NAALADL2: variants seen among roughly 807,000 people sequenced by gnomAD.
The protein encoded by NAALADL2 is N-acetylated alpha-linked acidic dipeptidase like 2.
A neutral mutation model predicts 87.2 loss-of-function variants in NAALADL2; 76 were observed. The observed-to-expected ratio is 0.87, with a 90% CI of 0.72 to 1.05. NAALADL2 has a LOEUF of 1.05. Ranked by LOEUF, NAALADL2 falls within the 50% of genes least tolerant of loss-of-function variation. NAALADL2 has a pLI of 0.00. For synonymous variants in NAALADL2, 354 were observed against 331.0 expected (o/e 1.07, Z -0.75); for missense variants, 1,089 against 945.8 (o/e 1.15, Z -1.99).
chr3:174,822,131 G>A (rs1451848422), intron 3 of NAALADL2, among the ~76,000 whole-genome samples: 10 of 151,368 alleles, frequency 6.6e-5, no homozygotes, highest in African/African-American at 2.4e-4. Context: ...GTTAAACTAG[G>A]TACACAGAAA....
At chr3:174,528,951 C>G (rs950240671) in intron 1 of NAALADL2, among the ~76,000 whole-genome samples, 1 of 152,134 alleles carries the variant, frequency 6.6e-6, no homozygotes, top group African/African-American at 2.4e-5. Flanking sequence ...CATTCTGCCC[C>G]TGGCCCCTCA....
At chr3:175,790,553 A>G (rs1328929560) in intron 13 of NAALADL2, among the ~76,000 whole-genome samples, 4 of 152,174 alleles carry the variant, frequency 2.6e-5, no homozygotes. Flanking sequence ...GGGGATTGGA[A>G]TTCTAGATTT....
At chr3:175,228,234 A>C (rs1037599273) in intron 2 of NAALADL2, among the ~76,000 whole-genome samples, 4 of 151,948 alleles carry the variant, frequency 2.6e-5, no homozygotes, top group Admixed American at 2.6e-4. Flanking sequence ...ACCTCAATCA[A>C]TTTTGAACAA....
At chr3:174,851,512 C>A (rs1198058732) in intron 3 of NAALADL2, among the ~76,000 whole-genome samples, 1 of 151,800 alleles carries the variant, frequency 6.6e-6, no homozygotes, top group Non-Finnish European at 1.5e-5. Flanking sequence ...AATTGGAAAA[C>A]CTGGAAGAAA....
chr3:174,547,314 G>C (rs1039366635), intron 1 of NAALADL2, among the ~76,000 whole-genome samples: 7 of 152,058 alleles, frequency 4.6e-5, no homozygotes, highest in Non-Finnish European at 8.8e-5. Context: ...GAATGAAGAG[G>C]CAGTTTCTGG....
At chr3:175,357,144 A>G (rs1217654523) in intron 5 of NAALADL2, among the ~76,000 whole-genome samples, 1 of 152,016 alleles carries the variant, frequency 6.6e-6, no homozygotes, top group African/African-American at 2.4e-5. Flanking sequence ...TTTTTATTCC[A>G]CTTGGCTTGC....
At chr3:175,113,406 C>T (rs1724537506) in intron 2 of NAALADL2, among the ~76,000 whole-genome samples, 1 of 151,538 alleles carries the variant, frequency 6.6e-6, no homozygotes, top group South Asian at 2.1e-4. Context: ...TAATCAAAAT[C>T]TCCTGCCCAA....
chr3:175,196,606 A>G (rs7638628), intron 2 of NAALADL2, among the ~76,000 whole-genome samples: 56,702 of 151,780 alleles, frequency 0.37, 11,784 homozygotes, highest in East Asian at 0.52. Flanking sequence ...TTGACTTCGC[A>G]TTTTCTCAAA....
intron 2 of NAALADL2, among the ~76,000 whole-genome samples, chr3:175,188,495 G>C (rs374736153): frequency 6.6e-6 from 1 of 152,146 alleles, no homozygotes; most frequent in Non-Finnish European, 1.5e-5. Context: ...AGCTCATGTA[G>C]CTGCACCTTC....
chr3:175,273,664 T>C (rs1042228677), intron 4 of NAALADL2, among the ~76,000 whole-genome samples: 3 of 151,990 alleles, frequency 2.0e-5, no homozygotes, highest in Admixed American at 2.0e-4. Context: ...AAAATGACAA[T>C]TTATTCTCTT....
Position 175,471,632 on chromosome 3 carries a change from A to G in NAALADL2, c.1534-7A>G. 1 of 1,392,048 alleles carries G rather than the reference A, an allele frequency of 7.2e-7. No individual in the cohort carries two copies. Among genetic ancestry groups the G allele is most frequent in the African/African-American group, 1.5e-5 (1 of 67,598 alleles). 86.2% of individuals were successfully genotyped at this position (1,392,048 alleles called of 1,614,324 possible). Reference sequence around the variant, plus strand: ...ACAGATAGATCCTTTTTTTTTTGTTATTTCAGGATTTCAAGAAGGTTCTTC... The same window carrying G: ...ACAGATAGATCCTTTTTTTTTTGTTGTTTCAGGATTTCAAGAAGGTTCTTC... On this transcript the variant is annotated splice_polypyrimidine_tract_variant and splice_region_variant and intron_variant, in intron 8 of 13. Transcript: ENST00000454872.
intron 2 of NAALADL2, among the ~76,000 whole-genome samples, chr3:175,199,825 T>TATATATAC (rs1193419638): frequency 1.3e-4 from 1 of 7,790 alleles, no homozygotes; most frequent in African/African-American, 4.9e-4. Flanking sequence ...AAGAAATATA[T>TATATATAC]ATATATATAT....
In NAALADL2 at chr3:175,808,886, C is replaced by T. The variant is rs376735591; in HGVS notation, c.*5683C>T. The T allele has an allele frequency of 3.3e-5, 5 of 151,964 alleles. No homozygotes were observed. In the East Asian group the frequency reaches 7.8e-4, roughly 24 times the overall value. The allele number at this position is 151,964 out of a possible 1,614,324, so 9.4% of individuals were successfully genotyped here. A position where few individuals can be genotyped will look rare whatever the true frequency, so the allele number is the denominator to read the frequency against. On this transcript the variant is annotated 3_prime_UTR_variant, in exon 14 of 14. Coordinates refer to ENST00000454872, the MANE Select transcript of NAALADL2 (RefSeq NM_207015.3). ...ATTTTAATGAACTACATATATTTTT[C>T]AATCAAAATGTGTAATTATTTAATT...
At chr3:175,406,426 A>G (rs1466543832) in intron 5 of NAALADL2, among the ~76,000 whole-genome samples, 5 of 152,142 alleles carry the variant, frequency 3.3e-5, no homozygotes, top group Admixed American at 6.5e-5. Flanking sequence ...TGATAATGTG[A>G]AATGAATTTT....
chr3:175,627,251 G>A (rs1388069958), intron 10 of NAALADL2, 40 bp from the exon 11 acceptor site: 8 of 1,450,592 alleles, frequency 5.5e-6, no homozygotes, highest in African/African-American at 1.4e-5. Flanking sequence ...AAACAAAATC[G>A]ATAAAGAGTT....
intron 1 of NAALADL2, among the ~76,000 whole-genome samples, chr3:174,503,290 C>G (rs1035199161): frequency 2.0e-5 from 3 of 152,102 alleles, no homozygotes; most frequent in Admixed American, 2.0e-4. Context: ...TTACATAAGT[C>G]TTTTCCAGTT....
At chr3:175,757,920 GA>G (rs1747475160) in intron 13 of NAALADL2, among the ~76,000 whole-genome samples, 1 of 152,014 alleles carries the variant, frequency 6.6e-6, no homozygotes, top group Non-Finnish European at 1.5e-5. Flanking sequence ...TTACTTTAAA[GA>G]AAAATTCAGA....
chr3:175,341,154 T>C (rs1409500156), intron 5 of NAALADL2, among the ~76,000 whole-genome samples: 2 of 152,140 alleles, frequency 1.3e-5, no homozygotes, highest in East Asian at 1.9e-4. Context: ...TTAGCAGTTG[T>C]TCCCCATTCT....
intron 6 of NAALADL2, among the ~76,000 whole-genome samples, chr3:175,448,695 T>G (rs1721075461): frequency 6.6e-6 from 1 of 152,174 alleles, no homozygotes; most frequent in Non-Finnish European, 1.5e-5. Flanking sequence ...TTTAAAATTT[T>G]TTTGTGTTAT....
Sources: allele counts gnomAD v4.1 joint callset (sites outside exome capture counted in the v4.1 genomes callset), GRCh38; gene constraint gnomAD v4.1.1; transcripts MANE v1.5; gene names NCBI Gene and HGNC (gene_info 2026-07-23, HGNC 2026-07-21).